CALR3: variants seen among roughly 807,000 people sequenced by gnomAD.
CALR3 encodes the protein calreticulin-3.
A neutral mutation model predicts 48.7 loss-of-function variants in CALR3; 39 were observed. The observed-to-expected ratio is 0.80, with a 90% confidence interval of 0.62 to 1.05. CALR3 has a LOEUF of 1.05. Among genes scored for constraint, CALR3 ranks in the 50% least tolerant of loss-of-function variants. The pLI is 0.00. For missense variants in CALR3, 449 were observed against 474.7 expected (o/e 0.95, Z 0.50); for synonymous variants, 185 against 172.7 (o/e 1.07, Z -0.56).
chr19:16,486,065 T>G (rs1345830891), intron 3 of CALR3, among the ~76,000 whole-genome samples: 2 of 152,064 alleles, frequency 1.3e-5, no homozygotes, highest in Non-Finnish European at 2.9e-5. Context: ...GGCCTGCTAA[T>G]CCCAGCACTT....
chr19:16,482,233 A>T (rs1286924483), intron 7 of CALR3, among the ~76,000 whole-genome samples: 1 of 151,760 alleles, frequency 6.6e-6, no homozygotes, highest in South Asian at 2.1e-4. Context: ...TAAAAAAAAA[A>T]AATCTGGATG....
At chr19:16,491,042 G>A (rs768814615) in intron 2 of CALR3, among the ~76,000 whole-genome samples, 2 of 152,048 alleles carry the variant, frequency 1.3e-5, no homozygotes, top group African/African-American at 4.8e-5. Context: ...TTACAGGTGT[G>A]AGCCAGCGTG....
rs992541343 is a variant in CALR3 at position 16,480,349 on chromosome 19, C to T, written c.1011+265G>A. Among the ~76,000 whole-genome samples, 7 of 151,960 alleles carry T rather than the reference C, an allele frequency of 4.6e-5. No individual in the cohort carries two copies. The Middle Eastern group carries it at 0.014, about 297-fold the overall frequency. On this transcript the variant is annotated intron_variant, in intron 8 of 8. Coordinates refer to ENST00000269881, the MANE Select transcript of CALR3 (RefSeq NM_145046.5). ...GGTGGATCACCTGAGGTCAGGACTT[C>T]GAGACCAGCCTGAACAATATGGTGA...
intron 7 of CALR3, 24 bp from the exon 8 acceptor site, chr19:16,480,730 A>C: frequency 7.0e-7 from 1 of 1,421,268 alleles, no homozygotes; most frequent in Non-Finnish European, 9.9e-7. Context: ...TAAGGCCTTC[A>C]TTATTATGCT....
chr19:16,485,320 C>G, intron 3 of CALR3, 63 bp from the exon 4 acceptor site: 1 of 1,049,368 alleles, frequency 9.5e-7, no homozygotes, highest in Non-Finnish European at 1.5e-6. Flanking sequence ...AATAACCAAC[C>G]CACAACCATT....
intron 3 of CALR3, among the ~76,000 whole-genome samples, chr19:16,489,214 G>A (rs2093394070): frequency 3.9e-5 from 6 of 152,364 alleles, no homozygotes; most frequent in Admixed American, 3.3e-4. Flanking sequence ...GCCAGGCGTG[G>A]TGGCTCACGC....
intron 7 of CALR3, among the ~76,000 whole-genome samples, chr19:16,481,788 T>G (rs2093381094): frequency 6.7e-6 from 1 of 148,570 alleles, no homozygotes; most frequent in South Asian, 2.2e-4. Flanking sequence ...CATGAGCCAC[T>G]GAGCCCAGCT....
At chr19:16,490,289 T>G in intron 3 of CALR3, 78 bp downstream of exon 3, 1 of 1,295,180 alleles carries the variant, frequency 7.7e-7, no homozygotes, top group East Asian at 2.3e-5. Context: ...ATTAGCAAAG[T>G]CTTAGTCTAA....
intron 3 of CALR3, among the ~76,000 whole-genome samples, chr19:16,487,192 G>A (rs567295662): frequency 6.6e-6 from 1 of 151,964 alleles, no homozygotes; most frequent in South Asian, 2.1e-4. Context: ...TTGTTGTAGA[G>A]ATGGGGCCAG....
At chr19:16,479,752 C>T (rs983833002) in intron 8 of CALR3, among the ~76,000 whole-genome samples, 3 of 151,628 alleles carry the variant, frequency 2.0e-5, no homozygotes, top group African/African-American at 4.9e-5. Context: ...GAGCAAAACC[C>T]GTCTCAAAAC....
intron 2 of CALR3, 94 bp downstream of exon 2, chr19:16,495,657 G>T: frequency 1.1e-6 from 1 of 922,758 alleles, no homozygotes; most frequent in South Asian, 1.3e-5. Flanking sequence ...CTGTAAAACG[G>T]GAATAAAAGC....
At chr19:16,495,095 G>T (rs559770539) in intron 2 of CALR3, among the ~76,000 whole-genome samples, 1 of 151,972 alleles carries the variant, frequency 6.6e-6, no homozygotes, top group Non-Finnish European at 1.5e-5. Flanking sequence ...GCATGGTGGC[G>T]CACGCTTGTA....
chr19:16,479,772 C>A (rs542143881), intron 8 of CALR3, among the ~76,000 whole-genome samples: 1 of 151,332 alleles, frequency 6.6e-6, no homozygotes, highest in South Asian at 2.1e-4. Flanking sequence ...CAAAACAAAA[C>A]AAAACAAAAC....
intron 1 of CALR3, 80 bp downstream of exon 1, chr19:16,495,959 C>T: frequency 6.4e-7 from 1 of 1,558,470 alleles, no homozygotes; most frequent in Non-Finnish European, 8.8e-7. Flanking sequence ...TGCCGTGGAC[C>T]CCGTGGCGAC....
chr19:16,487,438 C>A (rs1322338653), intron 3 of CALR3, among the ~76,000 whole-genome samples: 5 of 148,236 alleles, frequency 3.4e-5, no homozygotes, highest in Admixed American at 6.9e-5. Context: ...CGGGATCGTG[C>A]CGTTGCACTC....
rs1424913089 is a variant in CALR3, at chr19:16,496,052, T to C, written c.78A>G (p.Glu26=). ...TGGCCCCTTCACCTCCGTCTAGAAA[T>C]TCCTCTTGGAAATAGACGGTAGCCA... ...VALATVYFQE[E]FLDGEHWRNR... The change falls in exon 1 of 9, where the codon GAA becomes GAG. Residue 26 remains glutamate (E), a synonymous_variant. Coordinates refer to ENST00000269881, the MANE Select transcript of CALR3 (RefSeq NM_145046.5). 6.3e-7 allele frequency: 1 copy of C among 1,599,924 alleles called. No homozygotes were observed. Among genetic ancestry groups the C allele is most frequent in the Non-Finnish European group, 8.5e-7 (1 of 1,172,966 alleles).
rs149276034 is a variant in CALR3 at position 16,489,211 on chromosome 19, G to A, written c.397+1156C>T. Among the ~76,000 whole-genome samples the A allele has an allele frequency of 1.9e-3, 292 of 152,336 alleles. 2 individuals are homozygous for A. Among genetic ancestry groups the A allele is most frequent in the East Asian group, 0.018 (95 of 5,178 alleles). The stretch of plus-strand genomic sequence containing the variant: ...TTCAAAACACAGGTTGAGGCCAGGC[G>A]TGGTGGCTCACGCCTGTAATCCCAG... On this transcript the variant is annotated intron_variant, in intron 3 of 8. Transcript: ENST00000269881.
chr19:16,480,806 G>C (rs904015987), intron 7 of CALR3, 100 bp from the exon 8 acceptor site: 3 of 956,262 alleles, frequency 3.1e-6, no homozygotes, highest in Non-Finnish European at 4.8e-6. Flanking sequence ...AAGCTCAGGT[G>C]ACATTTTTTA....
At chr19:16,483,784 C>G (rs1380532135) in intron 5 of CALR3, 146 bp downstream of exon 5, 6 of 708,176 alleles carry the variant, frequency 8.5e-6, no homozygotes, top group Non-Finnish European at 1.5e-5. Context: ...AGAGATGTGG[C>G]TGGTCTGCAG....
Sources: allele counts gnomAD v4.1 joint callset (sites outside exome capture counted in the v4.1 genomes callset), GRCh38; gene constraint gnomAD v4.1.1; transcripts MANE v1.5; gene names NCBI Gene and HGNC (gene_info 2026-07-23, HGNC 2026-07-21).